The following ZMYND11 variants were observed in gnomAD, a reference collection of about 807,000 sequenced individuals.
ZMYND11 encodes zinc finger MYND-type containing 11.
In ZMYND11, 9 loss-of-function variants were observed where a neutral mutation model predicts 84.9. The ratio of observed to expected loss-of-function variants is 0.11; its 90% CI spans 0.06 to 0.18. ZMYND11 has a LOEUF of 0.18. Ranked by LOEUF, ZMYND11 falls within the 10% of genes least tolerant of loss-of-function variation. The probability of loss-of-function intolerance (pLI) is 1.00; values close to 1 mark genes in which losing one functional copy is unlikely to be tolerated. For missense variants in ZMYND11, 409 were observed against 761.0 expected, an observed-to-expected ratio of 0.54 and a Z score of 5.44; for synonymous variants, 250 against 244.1, an observed-to-expected ratio of 1.02 and a Z score of -0.23.
intron 2 of ZMYND11, among the ~76,000 whole-genome samples, chr10:191,670 C>G (rs1940436314): frequency 6.6e-6 from 1 of 152,116 alleles, no homozygotes. Context: ...TGTTTTATTT[C>G]TAAAAGTAAC....
chr10:198,084 A>G (rs1942243204), intron 2 of ZMYND11: 3 of 442,776 alleles, frequency 6.8e-6, no homozygotes, highest in Non-Finnish European at 1.2e-5. Flanking sequence ...AGCAAGCTGT[A>G]AAATATATAA....
Position 226,979 on chromosome 10 carries a change from G to A in ZMYND11, c.438+5623G>A, listed in dbSNP as rs919902205. Among the ~76,000 whole-genome samples the A allele has an allele frequency of 3.9e-5, 6 of 152,196 alleles. No individual in the cohort carries two copies. In the East Asian group the frequency reaches 1.2e-3, roughly 29 times the overall value. On this transcript the variant is annotated intron_variant, in intron 4 of 14. Coordinates refer to ENST00000381604, the MANE Select transcript of ZMYND11 (RefSeq NM_001370100.5). ...TCGTCCCCTACAAATGTTTCAGGTG[G>A]CATTTTTCTCTGTTTAAGGATCACA... is the stretch of plus-strand genomic sequence containing the variant.
At chr10:240,787 C>T in intron 8 of ZMYND11, 106 bp from the exon 9 acceptor site, 1 of 868,536 alleles carries the variant, frequency 1.2e-6, no homozygotes, top group Non-Finnish European at 1.7e-6. Flanking sequence ...AAACAAAATT[C>T]AACACTATTT....
At chr10:144,917 C>T (rs527690200) in intron 1 of ZMYND11, among the ~76,000 whole-genome samples, 1 of 150,418 alleles carries the variant, frequency 6.6e-6, no homozygotes, top group Non-Finnish European at 1.5e-5. Flanking sequence ...AAATTTCTTA[C>T]TCCTCTTCCA....
intron 7 of ZMYND11, 60 bp from the exon 8 acceptor site, chr10:239,996 A>AACTTT: frequency 7.0e-7 from 1 of 1,423,338 alleles, no homozygotes; most frequent in Non-Finnish European, 9.7e-7. Context: ...AAAGGATAGT[A>AACTTT]ACTTTGAGTC....
At chr10:189,890 A>T (rs899821028) in intron 2 of ZMYND11, among the ~76,000 whole-genome samples, 1 of 152,198 alleles carries the variant, frequency 6.6e-6, no homozygotes, top group Non-Finnish European at 1.5e-5. Flanking sequence ...TGTGAAGGGT[A>T]CAGAAATAGT....
At chr10:202,055 A>C (rs1943280871) in intron 2 of ZMYND11, among the ~76,000 whole-genome samples, 1 of 152,222 alleles carries the variant, frequency 6.6e-6, no homozygotes, top group Non-Finnish European at 1.5e-5. Context: ...ATGTTTTCAC[A>C]TGATGCAAAC....
chr10:216,661 G>C (rs186657819), intron 3 of ZMYND11, among the ~76,000 whole-genome samples: 2 of 152,246 alleles, frequency 1.3e-5, no homozygotes, highest in Admixed American at 6.5e-5. Flanking sequence ...CATTTATACT[G>C]TGGTTCTGTG....
chr10:208,395 T>A (rs1448324222), intron 2 of ZMYND11, among the ~76,000 whole-genome samples: 1 of 152,200 alleles, frequency 6.6e-6, no homozygotes, highest in African/African-American at 2.4e-5. Flanking sequence ...CCTACTCATC[T>A]GACAAAGGGC....
At chr10:204,134 C>T (rs1012483117) in intron 2 of ZMYND11, among the ~76,000 whole-genome samples, 3 of 152,136 alleles carry the variant, frequency 2.0e-5, no homozygotes, top group African/African-American at 7.2e-5. Flanking sequence ...ATATTTAAAT[C>T]TGATCTATCT....
chr10:187,899 A>G (rs983542036), intron 2 of ZMYND11, among the ~76,000 whole-genome samples: 1 of 152,194 alleles, frequency 6.6e-6, no homozygotes, highest in African/African-American at 2.4e-5. Context: ...AACATTTTAC[A>G]TTTTTAGAAA....
At chr10:138,110 G>GTTTT (rs1198726870) in intron 1 of ZMYND11, among the ~76,000 whole-genome samples, 2 of 133,040 alleles carry the variant, frequency 1.5e-5, no homozygotes, top group African/African-American at 2.8e-5. Flanking sequence ...TTCTGTTGGC[G>GTTTT]TTTTTTTTTT....
intron 1 of ZMYND11, among the ~76,000 whole-genome samples, chr10:178,596 T>C (rs1310059113): frequency 6.6e-6 from 1 of 152,222 alleles, no homozygotes; most frequent in Admixed American, 6.5e-5. Context: ...AATTTTTATA[T>C]TTTCATTATG....
chr10:235,105 A>G (rs1438365518), intron 4 of ZMYND11, among the ~76,000 whole-genome samples: 1 of 152,184 alleles, frequency 6.6e-6, no homozygotes, highest in Non-Finnish European at 1.5e-5. Flanking sequence ...ACGTATTTCA[A>G]AACATCACAT....
chr10:160,587 T>C (rs1446655486), intron 1 of ZMYND11, among the ~76,000 whole-genome samples: 3 of 152,346 alleles, frequency 2.0e-5, no homozygotes, highest in East Asian at 3.9e-4. Context: ...GGAACCTCTT[T>C]TCAAAATTGG....
At chr10:235,951 C>T (rs1949890233) in intron 4 of ZMYND11, among the ~76,000 whole-genome samples, 1 of 152,236 alleles carries the variant, frequency 6.6e-6, no homozygotes, top group South Asian at 2.1e-4. Context: ...TTTGTCCTTT[C>T]CTCTACTGTA....
intron 1 of ZMYND11, among the ~76,000 whole-genome samples, chr10:159,821 T>A (rs782492806): frequency 1.3e-5 from 2 of 152,206 alleles, no homozygotes; most frequent in Non-Finnish European, 2.9e-5. Flanking sequence ...AATCTACTCA[T>A]ATTTTCATCT....
At chr10:191,718 G>GAA (rs1180368341) in intron 2 of ZMYND11, among the ~76,000 whole-genome samples, 14 of 152,162 alleles carry the variant, frequency 9.2e-5, no homozygotes. Context: ...ATAGAAAACA[G>GAA]AAAAATAACC....
At chr10:140,075 A>G (rs1274864203) in intron 1 of ZMYND11, among the ~76,000 whole-genome samples, 1 of 152,034 alleles carries the variant, frequency 6.6e-6, no homozygotes, top group Non-Finnish European at 1.5e-5. Flanking sequence ...CTTGTAGCAC[A>G]CTCTTATAAT....
Sources: gnomAD v4.1 joint callset for allele counts (sites outside exome capture counted in the v4.1 genomes callset) on GRCh38, gnomAD v4.1.1 for gene constraint, MANE v1.5 for transcripts, NCBI Gene and HGNC (gene_info 2026-07-23, HGNC 2026-07-21) for gene names.